Variants in SLC2A13 observed in about 807,000 individuals in gnomAD.
SLC2A13 encodes the protein solute carrier family 2 member 13, also known as proton myo-inositol cotransporter.
SLC2A13 carries 32 observed loss-of-function variants against 64.4 expected under a neutral mutation model. The ratio of observed to expected loss-of-function variants is 0.50; its 90% CI spans 0.37 to 0.67. The LOEUF is 0.67. Ranked by LOEUF, SLC2A13 falls within the 30% of genes least tolerant of loss-of-function variation. The pLI is 0.00. For missense variants in SLC2A13, 743 were observed against 829.2 expected (o/e 0.90, Z 1.28); for synonymous variants, 338 against 327.1 (o/e 1.03, Z -0.36).
chr12:39,824,321 T>A (rs895844679), intron 7 of SLC2A13, among the ~76,000 whole-genome samples: 1 of 152,220 alleles, frequency 6.6e-6, no homozygotes, highest in Non-Finnish European at 1.5e-5. Flanking sequence ...CGACTGATAT[T>A]GAACATCAGC....
chr12:39,910,660 T>G (rs947342949), intron 4 of SLC2A13, among the ~76,000 whole-genome samples: 8 of 152,144 alleles, frequency 5.3e-5, no homozygotes, highest in East Asian at 1.9e-4. Flanking sequence ...CAAGAAGTTA[T>G]GATTCACTAA....
chr12:40,050,671 A>G (rs1279575642), intron 1 of SLC2A13, among the ~76,000 whole-genome samples: 2 of 152,172 alleles, frequency 1.3e-5, no homozygotes, highest in African/African-American at 4.8e-5. Context: ...AGGTCACATG[A>G]TGAGTAGGTA....
chr12:39,870,971 GC>G (rs1461352893), intron 5 of SLC2A13, among the ~76,000 whole-genome samples: 11 of 152,256 alleles, frequency 7.2e-5, no homozygotes, highest in African/African-American at 2.6e-4. Flanking sequence ...AGTTAATGCT[GC>G]CCTGGAAACT....
At chr12:39,842,699 G>C (rs1487820241) in intron 6 of SLC2A13, among the ~76,000 whole-genome samples, 1 of 151,940 alleles carries the variant, frequency 6.6e-6, no homozygotes, top group Non-Finnish European at 1.5e-5. Flanking sequence ...CAATAATTCA[G>C]AGTTCTACAA....
intron 4 of SLC2A13, among the ~76,000 whole-genome samples, chr12:39,906,561 T>C (rs1292618579): frequency 1.3e-5 from 2 of 152,146 alleles, no homozygotes; most frequent in Non-Finnish European, 2.9e-5. Flanking sequence ...AAAGAAACCA[T>C]TTTATTTCAT....
At chr12:39,795,206 CTG>C (rs947148560) in intron 7 of SLC2A13, among the ~76,000 whole-genome samples, 36 of 150,138 alleles carry the variant, frequency 2.4e-4, no homozygotes, top group Non-Finnish European at 2.7e-4. Context: ...CTCTCTCTCT[CTG>C]TGTGTGTCAC....
chr12:39,951,947 C>T (rs191186434), intron 3 of SLC2A13, among the ~76,000 whole-genome samples: 70 of 152,002 alleles, frequency 4.6e-4, no homozygotes, highest in South Asian at 3.9e-3. Context: ...ACAATTAATA[C>T]CTATTATCTA....
At chr12:40,079,227 G>T (rs1351673361) in intron 1 of SLC2A13, among the ~76,000 whole-genome samples, 1 of 152,082 alleles carries the variant, frequency 6.6e-6, no homozygotes, top group African/African-American at 2.4e-5. Flanking sequence ...TTGTTAATCT[G>T]AGCTCTAACT....
chr12:40,035,893 G>A (rs188710987), intron 2 of SLC2A13, among the ~76,000 whole-genome samples: 110 of 152,272 alleles, frequency 7.2e-4, no homozygotes, highest in African/African-American at 2.5e-3. Context: ...AATGAATATG[G>A]CATTTTGCAC....
chr12:39,946,426 A>T (rs1946134827), intron 4 of SLC2A13, among the ~76,000 whole-genome samples: 1 of 152,202 alleles, frequency 6.6e-6, no homozygotes, highest in Non-Finnish European at 1.5e-5. Context: ...AGAACTCCCA[A>T]GATTATATGT....
At chr12:39,976,496 T>G (rs977684686) in intron 3 of SLC2A13, among the ~76,000 whole-genome samples, 1 of 152,230 alleles carries the variant, frequency 6.6e-6, no homozygotes, top group Non-Finnish European at 1.5e-5. Flanking sequence ...GAAATTAGAA[T>G]AGTTAATTTT....
rs1943109129 is a variant in SLC2A13 at position 39,839,104 on chromosome 12, A to C, written c.1320-8876T>G. ...TCTCTTTCCCCTAACAGCTATTCCC[A>C]AACTTCCATACTCTACTATCCCCTT... On this transcript the variant is annotated intron_variant, in intron 6 of 9. Transcript: ENST00000280871. Among the ~76,000 whole-genome samples the C allele has an allele frequency of 2.6e-5, 4 of 152,144 alleles. No homozygotes were observed. In the South Asian group the frequency reaches 8.3e-4, roughly 32 times the overall value.
intron 5 of SLC2A13, among the ~76,000 whole-genome samples, chr12:39,866,768 A>T (rs930390818): frequency 2.6e-5 from 4 of 152,128 alleles, no homozygotes; most frequent in African/African-American, 9.7e-5. Flanking sequence ...CGTGAGCCAC[A>T]GCGCCCGGCC....
At chr12:39,766,810 C>T (rs780951525) in intron 7 of SLC2A13, among the ~76,000 whole-genome samples, 5 of 152,062 alleles carry the variant, frequency 3.3e-5, no homozygotes, top group Non-Finnish European at 5.9e-5. Context: ...ACTCCTTATC[C>T]GTTCAAGTTT....
chr12:39,765,238 T>C (rs917376092), intron 7 of SLC2A13, among the ~76,000 whole-genome samples: 6 of 152,072 alleles, frequency 3.9e-5, no homozygotes, highest in African/African-American at 4.8e-5. Flanking sequence ...ACTTTTCATC[T>C]GATAAAATGG....
chr12:39,931,459 C>G (rs182190821), intron 4 of SLC2A13, among the ~76,000 whole-genome samples: 38 of 152,328 alleles, frequency 2.5e-4, no homozygotes, highest in African/African-American at 8.7e-4. Context: ...CACCCAGAGA[C>G]ACGTGGGCCT....
chr12:39,989,401 C>T (rs1055940529), intron 3 of SLC2A13, among the ~76,000 whole-genome samples: 32 of 152,156 alleles, frequency 2.1e-4, no homozygotes, highest in African/African-American at 7.5e-4. Flanking sequence ...CATTTATTAC[C>T]ACCTTCATAT....
intron 7 of SLC2A13, among the ~76,000 whole-genome samples, chr12:39,782,582 T>C (rs186988277): frequency 3.8e-4 from 58 of 152,162 alleles, no homozygotes; most frequent in Admixed American, 8.5e-4. Context: ...AGCATGAAAA[T>C]GGACTAATAC....
At position 39,898,204 on chromosome 12, in the gene SLC2A13, T is replaced by C. The variant is rs55844197; in HGVS notation, c.1035-26243A>G. ...CTAGAAGTAAATATGATGGGTTTAA[T>C]GTCTCTTTTTAAGACTATAGATACC... On this transcript the variant is annotated intron_variant, in intron 4 of 9. Coordinates refer to ENST00000280871, the MANE Select transcript of SLC2A13 (RefSeq NM_052885.4). 6.3e-3 allele frequency among the ~76,000 whole-genome samples: 954 copies of C among 152,276 alleles called. 7 individuals carry two copies. Among genetic ancestry groups the C allele is most frequent in the African/African-American group, 0.022 (919 of 41,576 alleles).
Sources: allele counts gnomAD v4.1 joint callset (sites outside exome capture counted in the v4.1 genomes callset), GRCh38; gene constraint gnomAD v4.1.1; transcripts MANE v1.5; gene names NCBI Gene and HGNC (gene_info 2026-07-23, HGNC 2026-07-21).